Variants in ZBTB46 observed in about 807,000 individuals in gnomAD.
ZBTB46 encodes zinc finger and BTB domain containing 46.
ZBTB46 carries 8 observed loss-of-function variants against 44.1 expected under a neutral mutation model. That is an observed-to-expected ratio of 0.18 (90% CI 0.11 to 0.33). The LOEUF (loss-of-function observed/expected upper bound fraction) is 0.33. Among genes scored for constraint, ZBTB46 ranks in the 10% least tolerant of loss-of-function variants. ZBTB46 has a pLI of 1.00. For synonymous variants in ZBTB46, 409 were observed against 382.3 expected (o/e 1.07, Z -0.81); for missense variants, 651 against 847.7 (o/e 0.77, Z 2.88).
At chr20:63,832,276 C>G (rs2092856008), upstream of ZBTB46, among the ~76,000 whole-genome samples, 1 of 152,174 alleles carries the variant, frequency 6.6e-6, no homozygotes, top group Non-Finnish European at 1.5e-5. This position sits in a 1 kb window ranked among gnomAD's most constrained non-coding sequence, Gnocchi z 5.0. Flanking sequence ...CCCCGCATTC[C>G]TGGCCGGCCT....
At chr20:63,776,171 G>A (rs1397518195) in intron 2 of ZBTB46, among the ~76,000 whole-genome samples, 8 of 152,234 alleles carry the variant, frequency 5.3e-5, no homozygotes, top group Non-Finnish European at 7.3e-5. Context: ...CAGGTCCCAT[G>A]GCTGCGGTGG....
At chr20:63,817,070 A>G (rs2092762962) in intron 1 of ZBTB46, among the ~76,000 whole-genome samples, 1 of 152,190 alleles carries the variant, frequency 6.6e-6, no homozygotes, top group South Asian at 2.1e-4. Context: ...GCGCCACTGC[A>G]GTCCAGCCTG....
chr20:63,786,812 G>A (rs1219757819), intron 2 of ZBTB46, among the ~76,000 whole-genome samples: 1 of 151,894 alleles, frequency 6.6e-6, no homozygotes, highest in African/African-American at 2.4e-5. Flanking sequence ...GCCCGGCCTC[G>A]GATAACTTTT....
intron 1 of ZBTB46, among the ~76,000 whole-genome samples, chr20:63,822,986 C>T (rs1307822882): frequency 6.6e-6 from 1 of 151,854 alleles, no homozygotes; most frequent in Non-Finnish European, 1.5e-5. Context: ...CATGGACAAA[C>T]CCCGTCTGTA....
At chr20:63,789,509 T>C (rs1011527048) in intron 2 of ZBTB46, among the ~76,000 whole-genome samples, 35 of 152,062 alleles carry the variant, frequency 2.3e-4, no homozygotes, top group Non-Finnish European at 3.7e-4. Context: ...CCTCCCGGTG[T>C]CACCCACCCC....
intron 1 of ZBTB46, among the ~76,000 whole-genome samples, chr20:63,808,956 G>A (rs1160788672): frequency 1.5e-5 from 2 of 136,956 alleles, no homozygotes; most frequent in Admixed American, 7.9e-5. Flanking sequence ...CAGCCTGGGC[G>A]GCAGAGCGAG....
rs113772229 is a variant in ZBTB46, at chr20:63,828,753, C to T, written c.-34+2344G>A. On this transcript the variant is annotated intron_variant, in intron 1 of 4. Coordinates refer to ENST00000245663, the MANE Select transcript of ZBTB46 (RefSeq NM_001369741.1). ...GACCTTTCCTCTCACTTTAACTCAGCAGTGGAGCGGGTGCCTGGGCACCAG... is the reference window on the plus strand; with the variant it reads ...GACCTTTCCTCTCACTTTAACTCAGTAGTGGAGCGGGTGCCTGGGCACCAG... Among the ~76,000 whole-genome samples, 184 of 152,358 alleles carry T rather than the reference C, an allele frequency of 1.2e-3. 1 individual carries two copies. The highest frequency in any genetic ancestry group is 4.2e-3 in the African/African-American group (174 of 41,582).
intron 2 of ZBTB46, among the ~76,000 whole-genome samples, chr20:63,780,542 C>T (rs953146015): frequency 6.6e-6 from 1 of 152,136 alleles, no homozygotes; most frequent in South Asian, 2.1e-4. Context: ...GTGGCTCATG[C>T]CTGTAATCCC....
chr20:63,769,988 T>C (rs1196204150), intron 3 of ZBTB46, among the ~76,000 whole-genome samples: 1 of 152,200 alleles, frequency 6.6e-6, no homozygotes, highest in African/African-American at 2.4e-5. Context: ...AGGAAAGGAC[T>C]GCAGGGAGCT....
intron 3 of ZBTB46, among the ~76,000 whole-genome samples, chr20:63,754,590 C>T (rs911462473): frequency 6.6e-6 from 1 of 151,862 alleles, no homozygotes; most frequent in African/African-American, 2.4e-5. Flanking sequence ...AGCCACTGTG[C>T]CTGGCCCAAA....
At chr20:63,757,477 A>T (rs922164336) in intron 3 of ZBTB46, among the ~76,000 whole-genome samples, 1 of 152,020 alleles carries the variant, frequency 6.6e-6, no homozygotes, top group Admixed American at 6.5e-5. Context: ...CCATATCTTG[A>T]AAAGACCATC....
chr20:63,785,714 CT>C (rs1460940178), intron 2 of ZBTB46, among the ~76,000 whole-genome samples: 2 of 152,222 alleles, frequency 1.3e-5, no homozygotes, highest in African/African-American at 4.8e-5. Flanking sequence ...AAATCCCAGC[CT>C]GAGGGCTCAG....
In ZBTB46 at chr20:63,747,309, G is replaced by T; in HGVS notation, c.1399-8C>A. Reference sequence around the variant, plus strand: ...CTTGTCCTTGCTGTGGACCTGCAGAGGCAGGGCAGGGGGTGAGCAGGGCCT... The same window carrying T: ...CTTGTCCTTGCTGTGGACCTGCAGATGCAGGGCAGGGGGTGAGCAGGGCCT... On this transcript the variant is annotated splice_region_variant and splice_polypyrimidine_tract_variant and intron_variant, in intron 4 of 4. Coordinates refer to ENST00000245663, the MANE Select transcript of ZBTB46 (RefSeq NM_001369741.1). 4 of 1,461,784 alleles carry T rather than the reference G, an allele frequency of 2.7e-6. No individual in the cohort carries two copies. The highest frequency in any genetic ancestry group is 3.6e-6 in the Non-Finnish European group (4 of 1,102,860). 90.6% of individuals were successfully genotyped at this position (1,461,784 alleles called of 1,614,324 possible).
At chr20:63,801,205 A>G (rs1016668535) in intron 1 of ZBTB46, among the ~76,000 whole-genome samples, 9 of 152,222 alleles carry the variant, frequency 5.9e-5, no homozygotes, top group African/African-American at 2.2e-4. Flanking sequence ...GAGGGATTGT[A>G]AATACACCAA....
Position 63,805,157 on chromosome 20 carries a change from G to A in ZBTB46, c.-33-14367C>T, listed in dbSNP as rs548006009. Among the ~76,000 whole-genome samples the A allele has an allele frequency of 3.0e-4, 46 of 152,140 alleles. 2 individuals are homozygous for A. The highest frequency in any genetic ancestry group is 2.9e-3 in the Admixed American group (45 of 15,280). ...GATGGTCTCGATCTCTTGACCTCGT[G>A]ATCCGCCCACCTCGGCCTCCCAAAG... On this transcript the variant is annotated intron_variant, in intron 1 of 4. Coordinates refer to ENST00000245663, the MANE Select transcript of ZBTB46 (RefSeq NM_001369741.1).
At chr20:63,768,872 C>T (rs541071130) in intron 3 of ZBTB46, among the ~76,000 whole-genome samples, 5 of 152,162 alleles carry the variant, frequency 3.3e-5, no homozygotes, top group South Asian at 2.1e-4. Flanking sequence ...TGGAAGGGAC[C>T]GGCCACCACC....
rs2145733901 is a variant in ZBTB46, at chr20:63,745,551, G to T, written c.*1379C>A. 1 of 152,434 alleles carries T rather than the reference G, an allele frequency of 6.6e-6. No individual in the cohort carries two copies. The highest frequency in any genetic ancestry group is 1.9e-4 in the East Asian group (1 of 5,218). 9.4% of individuals were successfully genotyped at this position (152,434 alleles called of 1,614,324 possible). A position where few individuals can be genotyped will look rare whatever the true frequency, so the allele number is the denominator to read the frequency against. On this transcript the variant is annotated 3_prime_UTR_variant, in exon 5 of 5. Coordinates refer to ENST00000245663, the MANE Select transcript of ZBTB46 (RefSeq NM_001369741.1). ...AGCCCTGAAGCTCAGCACTCCGGGGGGTCTTCACACGGGCAGGTCCTGGAG... is the reference window on the plus strand; with the variant it reads ...AGCCCTGAAGCTCAGCACTCCGGGGTGTCTTCACACGGGCAGGTCCTGGAG...
chr20:63,775,712 G>C lies in ZBTB46; in HGVS notation c.1188C>G (p.Phe396Leu), dbSNP rs377451070. 6.2e-7 allele frequency: 1 copy of C among 1,603,316 alleles called. No homozygotes were observed. Among genetic ancestry groups the C allele is most frequent in the South Asian group, 1.1e-5 (1 of 89,712 alleles). ...AGTGGGCCCCTCTGGGCAGGTACTC[G>C]AACAGCAGGGAGCCGTCATCCCCCA... ...DVLGDDGSLLFEYLPRGAHSL... is the reference protein window; with the variant it reads ...DVLGDDGSLLLEYLPRGAHSL... The change falls in exon 3 of 5, where the codon TTC (phenylalanine) becomes TTG (leucine). Residue 396 changes from phenylalanine (F) to leucine (L), a missense_variant. By Grantham distance (22) the Phe-to-Leu change is conservative (BLOSUM62 0). Transcript: ENST00000245663.
intron 1 of ZBTB46, among the ~76,000 whole-genome samples, chr20:63,806,528 C>A (rs2092682687): frequency 6.6e-6 from 1 of 151,354 alleles, no homozygotes; most frequent in African/African-American, 2.4e-5. Flanking sequence ...ATGGTAACTT[C>A]AAAAAAAATA....
Sources: gnomAD v4.1 joint callset for allele counts (sites outside exome capture counted in the v4.1 genomes callset) on GRCh38, gnomAD v4.1.1 for gene constraint, Gnocchi (gnomAD v3.1) non-coding constraint, MANE v1.5 for transcripts, NCBI Gene and HGNC (gene_info 2026-07-23, HGNC 2026-07-21) for gene names.